ARL13B: variants seen among roughly 807,000 people sequenced by gnomAD.
The protein encoded by ARL13B is ARF like GTPase 13B.
Under a neutral mutation model 56.1 loss-of-function variants are expected in ARL13B, and 36 were observed. The observed-to-expected ratio is 0.64, with a 90% CI of 0.49 to 0.85. The LOEUF is 0.85. ARL13B is among the 40% of genes least tolerant of loss of function. The probability of loss-of-function intolerance (pLI) is 0.00; values close to 1 mark genes in which losing one functional copy is unlikely to be tolerated. For synonymous variants in ARL13B, 178 were observed against 171.1 expected, an observed-to-expected ratio of 1.04 and a Z score of -0.32; for missense variants, 519 against 507.1, an observed-to-expected ratio of 1.02 and a Z score of -0.23.
chr3:94,038,273 A>G (rs2107127333), intron 5 of ARL13B, among the ~76,000 whole-genome samples: 1 of 152,232 alleles, frequency 6.6e-6, no homozygotes, highest in East Asian at 1.9e-4. Flanking sequence ...ATTTTTATTC[A>G]CATTTGTGGG....
chr3:94,001,174 A>G (rs1298270485), intron 2 of ARL13B, among the ~76,000 whole-genome samples: 1 of 152,154 alleles, frequency 6.6e-6, no homozygotes, highest in Non-Finnish European at 1.5e-5. Context: ...ATTTATGGGG[A>G]AAGTTGTACC....
chr3:93,986,172 A>G (rs1710450867), intron 1 of ARL13B, among the ~76,000 whole-genome samples: 1 of 152,158 alleles, frequency 6.6e-6, no homozygotes, highest in Non-Finnish European at 1.5e-5. Context: ...TTAGAATTTT[A>G]ATATAGAAAA....
chr3:94,020,869 G>C (rs2076432805), intron 3 of ARL13B, among the ~76,000 whole-genome samples: 1 of 152,120 alleles, frequency 6.6e-6, no homozygotes, highest in Non-Finnish European at 1.5e-5. Flanking sequence ...AGGTAAAAAA[G>C]TTCAGTCAGT....
At chr3:94,002,875 T>G (rs2076076318) in intron 2 of ARL13B, among the ~76,000 whole-genome samples, 1 of 152,192 alleles carries the variant, frequency 6.6e-6, no homozygotes, top group Admixed American at 6.5e-5. Flanking sequence ...CATATTCCTT[T>G]ACTTTGCCAT....
intron 6 of ARL13B, among the ~76,000 whole-genome samples, chr3:94,042,553 G>C (rs1221488188): frequency 6.6e-6 from 1 of 151,966 alleles, no homozygotes; most frequent in East Asian, 1.9e-4. Flanking sequence ...ATATTCATTG[G>C]CATGGAAAGA....
chr3:94,007,416 C>T (rs1193579399), intron 3 of ARL13B, among the ~76,000 whole-genome samples: 1 of 152,172 alleles, frequency 6.6e-6, no homozygotes. Flanking sequence ...TGGCCAGTGT[C>T]TCATTCTGTT....
chr3:94,027,224 G>A (rs1428958709), intron 3 of ARL13B, among the ~76,000 whole-genome samples: 2 of 151,938 alleles, frequency 1.3e-5, no homozygotes, highest in African/African-American at 2.4e-5. Flanking sequence ...GCAAGTGAAA[G>A]CAGAGGATCT....
chr3:94,054,463 A>ATGTTAC lies in ARL13B; in HGVS notation c.*1201_*1206dup, dbSNP rs2077113588. ...GTATATTTTTAATAATAGATTCATA[A>ATGTTAC]TGTTACATTTAATTGAAAACAAACC... On this transcript the variant is annotated 3_prime_UTR_variant, in exon 10 of 10. Transcript: ENST00000394222. The ATGTTAC allele has an allele frequency of 2.8e-6, 1 of 357,264 alleles. No individual in the cohort carries two copies. The highest frequency in any genetic ancestry group is 5.4e-6 in the Non-Finnish European group (1 of 184,526). The allele number at this position is 357,264 out of a possible 1,614,324, so 22.1% of individuals were successfully genotyped here. A position where few individuals can be genotyped will look rare whatever the true frequency, so the allele number is the denominator to read the frequency against.
intron 6 of ARL13B, among the ~76,000 whole-genome samples, chr3:94,041,165 AT>A (rs535604544): frequency 2.1e-4 from 32 of 151,284 alleles, no homozygotes; most frequent in Middle Eastern, 3.4e-3. Context: ...AGCACCTAAC[AT>A]TTTTTTTTAT....
chr3:94,042,920 T>C, intron 6 of ARL13B, 95 bp from the exon 7 acceptor site: 2 of 997,578 alleles, frequency 2.0e-6, no homozygotes, highest in Non-Finnish European at 2.9e-6. Flanking sequence ...TCCTTGAAGT[T>C]ACAGAATCCT....
intron 7 of ARL13B, among the ~76,000 whole-genome samples, chr3:94,047,543 G>T (rs2077001932): frequency 6.6e-6 from 1 of 152,116 alleles, no homozygotes; most frequent in African/African-American, 2.4e-5. Context: ...GCCTTTGTAT[G>T]CACTATATTA....
intron 3 of ARL13B, among the ~76,000 whole-genome samples, chr3:94,014,157 G>C (rs1180556267): frequency 6.6e-6 from 1 of 152,128 alleles, no homozygotes. Context: ...TTTGTGAGTT[G>C]ATGGTAACTG....
intron 1 of ARL13B, chr3:93,988,804 A>G: frequency 2.6e-6 from 1 of 381,702 alleles, no homozygotes; most frequent in South Asian, 2.0e-5. Context: ...TTTTTTTTTA[A>G]TCTGAAGATT....
At chr3:94,003,201 G>A (rs999129196) in intron 2 of ARL13B, among the ~76,000 whole-genome samples, 18 of 152,040 alleles carry the variant, frequency 1.2e-4, no homozygotes, top group South Asian at 4.1e-4. Context: ...AAAAAAGAGT[G>A]GCCTTATTCT....
intron 1 of ARL13B, among the ~76,000 whole-genome samples, chr3:93,987,155 T>C (rs1710510976): frequency 7.4e-6 from 1 of 134,270 alleles, no homozygotes; most frequent in Non-Finnish European, 1.7e-5. Context: ...CTTATATTTC[T>C]GATTTTTTTT....
At position 94,036,534 on chromosome 3, in the gene ARL13B, A is replaced by G; in HGVS notation, c.487-18A>G. ...TGGAGACCTTTTAATCTTTTAGTCA[A>G]ATAAATTTCTGTTTTAGGAACCATG... On this transcript the variant is annotated intron_variant, in intron 4 of 9. Transcript: ENST00000394222. 1.2e-6 allele frequency: 2 copies of G among 1,613,154 alleles called. No individual in the cohort carries two copies. Among genetic ancestry groups the G allele is most frequent in the Non-Finnish European group, 1.7e-6 (2 of 1,179,320 alleles).
At chr3:94,008,348 A>T (rs2076167752) in intron 3 of ARL13B, among the ~76,000 whole-genome samples, 1 of 152,098 alleles carries the variant, frequency 6.6e-6, no homozygotes, top group East Asian at 1.9e-4. Context: ...GCCCTTCAGA[A>T]ATTTTTTTAA....
chr3:93,987,299 TC>T (rs1710518597), intron 1 of ARL13B, among the ~76,000 whole-genome samples: 3 of 152,284 alleles, frequency 2.0e-5, no homozygotes, highest in Admixed American at 2.0e-4. Flanking sequence ...GACCAGTATT[TC>T]TGATATATTA....
At chr3:94,009,659 C>G (rs1000807541) in intron 3 of ARL13B, among the ~76,000 whole-genome samples, 5 of 152,028 alleles carry the variant, frequency 3.3e-5, no homozygotes, top group Non-Finnish European at 7.4e-5. Flanking sequence ...TCTGAAACCC[C>G]TACTTATTGA....
Sources: allele counts gnomAD v4.1 joint callset (sites outside exome capture counted in the v4.1 genomes callset), GRCh38; gene constraint gnomAD v4.1.1; transcripts MANE v1.5; gene names NCBI Gene and HGNC (gene_info 2026-07-23, HGNC 2026-07-21).